The following SNRPN variants were observed in gnomAD, a reference collection of about 807,000 sequenced individuals.
SNRPN encodes small nuclear ribonucleoprotein-associated protein N.
Under a neutral mutation model 25.2 loss-of-function variants are expected in SNRPN, and 7 were observed. That is an observed-to-expected ratio of 0.28 (90% CI 0.16 to 0.52). SNRPN has a LOEUF of 0.52. Ranked by LOEUF, SNRPN falls within the 20% of genes least tolerant of loss-of-function variation. The pLI is 0.96. For missense variants in SNRPN, 196 were observed against 322.5 expected, an observed-to-expected ratio of 0.61 and a Z score of 3.00; for synonymous variants, 124 against 110.6, an observed-to-expected ratio of 1.12 and a Z score of -0.76.
intron 3 of SNRPN, among the ~76,000 whole-genome samples, chr15:24,943,192 C>T (rs2061666151): frequency 6.6e-6 from 1 of 152,072 alleles, no homozygotes; most frequent in Non-Finnish European, 1.5e-5. Flanking sequence ...GTATATCTGG[C>T]CATATGTCCT....
intron 3 of SNRPN, 110 bp downstream of exon 3, chr15:24,968,192 A>C: frequency 1.5e-6 from 1 of 682,106 alleles, no homozygotes; most frequent in South Asian, 1.7e-5. Context: ...AGAGCTTCAT[A>C]CAATAAACAC....
intron 2 of SNRPN, among the ~76,000 whole-genome samples, chr15:24,963,431 A>G (rs529360755): frequency 1.3e-5 from 2 of 152,162 alleles, no homozygotes; most frequent in South Asian, 2.1e-4. Context: ...CCTGGCCAAC[A>G]TGGTGAAACC....
intron 2 of SNRPN, chr15:24,850,976 A>C (rs1373702449): frequency 2.0e-5 from 3 of 151,184 alleles, no homozygotes; most frequent in Non-Finnish European, 4.4e-5. Context: ...GCTGGAGTGC[A>C]GTGGCATATA....
rs1261524584 is a variant in SNRPN at position 24,976,313 on chromosome 15, A to C, written c.164A>C (p.Asn55Thr). The C allele has an allele frequency of 6.2e-7, 1 of 1,613,550 alleles. No individual in the cohort carries two copies. The highest frequency in any genetic ancestry group is 1.3e-5 in the African/African-American group (1 of 74,924). The change falls in exon 6 of 10, where the codon AAT (asparagine) becomes ACT (threonine). Residue 55 changes from asparagine to threonine, a missense_variant. By Grantham distance (65) the Asn-to-Thr change is moderately conservative. Coordinates refer to ENST00000390687, the MANE Select transcript of SNRPN (RefSeq NM_003097.6). ...TTAATTCTGATTTGTAGGCCAAAGA[A>C]TGCGAAGCAACCAGAGCGTGAAGAA... is the stretch of plus-strand genomic sequence containing the variant. The part of the protein sequence containing the change: ...CDEFRKIKPK[N>T]AKQPEREEKR...
intron 2 of SNRPN, among the ~76,000 whole-genome samples, chr15:24,835,248 A>G (rs2051060317): frequency 1.3e-5 from 2 of 150,636 alleles, no homozygotes; most frequent in African/African-American, 4.9e-5. Flanking sequence ...TAACATATAT[A>G]GGCATGCTGT....
At chr15:24,921,040 C>T (rs1010130283) in intron 3 of SNRPN, 1 of 152,080 alleles carries the variant, frequency 6.6e-6, no homozygotes, top group Non-Finnish European at 1.5e-5. Context: ...TCTGATGGGT[C>T]AGTGACAGTC....
intron 3 of SNRPN, among the ~76,000 whole-genome samples, chr15:24,928,791 A>G (rs749534274): frequency 6.6e-6 from 1 of 151,762 alleles, no homozygotes; most frequent in Non-Finnish European, 1.5e-5. Context: ...AATTTTCTAT[A>G]AAGGTGGGGT....
intron 3 of SNRPN, among the ~76,000 whole-genome samples, chr15:24,972,808 C>T (rs1004038009): frequency 1.9e-4 from 29 of 152,018 alleles, no homozygotes; most frequent in Admixed American, 1.4e-3. Context: ...TTAACAATTC[C>T]GTTCAACAAC....
chr15:24,891,391 A>G (rs1279024572), intron 2 of SNRPN, among the ~76,000 whole-genome samples: 1 of 151,994 alleles, frequency 6.6e-6, no homozygotes, highest in Non-Finnish European at 1.5e-5. Flanking sequence ...TCCTCTTTTA[A>G]GGAACTTTAT....
At chr15:24,882,772 C>T (rs35993319) in intron 1 of SNRPN, among the ~76,000 whole-genome samples, 10,161 of 145,676 alleles carry the variant, frequency 0.07, 613 homozygotes, top group East Asian at 0.22. Flanking sequence ...TGCAGTGAGC[C>T]GAGATCATAC....
intron 1 of SNRPN, among the ~76,000 whole-genome samples, chr15:24,871,526 G>T (rs373543736): frequency 1.3e-5 from 2 of 151,938 alleles, no homozygotes; most frequent in East Asian, 3.9e-4. Flanking sequence ...ATTGCTGAAG[G>T]ACTAATGATG....
intron 2 of SNRPN, among the ~76,000 whole-genome samples, chr15:24,830,109 A>G (rs756184852): frequency 6.6e-6 from 1 of 152,054 alleles, no homozygotes; most frequent in Admixed American, 6.5e-5. Flanking sequence ...AGAGCATAGC[A>G]TGTATTTTGA....
chr15:24,936,017 A>G (rs1162849642), intron 3 of SNRPN, among the ~76,000 whole-genome samples: 2 of 152,032 alleles, frequency 1.3e-5, no homozygotes, highest in Non-Finnish European at 2.9e-5. Flanking sequence ...TGAGAGGCTG[A>G]GGCAGGAGAA....
At chr15:24,932,057 CA>C (rs892514899) in intron 3 of SNRPN, among the ~76,000 whole-genome samples, 2 of 151,964 alleles carry the variant, frequency 1.3e-5, no homozygotes, top group African/African-American at 4.8e-5. Flanking sequence ...GGCCAGGAGA[CA>C]GGGGCCCTAT....
intron 2 of SNRPN, chr15:24,910,977 A>G (rs2152117566): frequency 2.8e-6 from 3 of 1,060,986 alleles, no homozygotes; most frequent in South Asian, 1.3e-5. Context: ...CACTGTTGGC[A>G]CATGGCTAAA....
At chr15:24,943,631 C>T (rs2061696524) in intron 3 of SNRPN, among the ~76,000 whole-genome samples, 2 of 152,008 alleles carry the variant, frequency 1.3e-5, no homozygotes, top group African/African-American at 4.8e-5. Flanking sequence ...AGCCTTTAGT[C>T]TCCACTAATG....
chr15:24,923,923 ATTT>A (rs34575205), intron 3 of SNRPN, among the ~76,000 whole-genome samples: 25,714 of 89,420 alleles, frequency 0.29, 4,467 homozygotes, highest in Admixed American at 0.36. Context: ...GTATATAAAC[ATTT>A]TTTTTTTTTT....
intron 1 of SNRPN, among the ~76,000 whole-genome samples, chr15:24,858,187 T>C (rs2053606169): frequency 6.6e-6 from 1 of 152,168 alleles, no homozygotes; most frequent in Admixed American, 6.5e-5. Flanking sequence ...ATCTTGTAGC[T>C]GATTTGTTAT....
chr15:24,970,117 A>C (rs1043755712), intron 3 of SNRPN, among the ~76,000 whole-genome samples: 1 of 152,204 alleles, frequency 6.6e-6, no homozygotes, highest in African/African-American at 2.4e-5. Flanking sequence ...CGAAGTATAC[A>C]TTACAGCGTA....
Sources: allele counts gnomAD v4.1 joint callset (sites outside exome capture counted in the v4.1 genomes callset), GRCh38; gene constraint gnomAD v4.1.1; transcripts MANE v1.5; gene names NCBI Gene and HGNC (gene_info 2026-07-23, HGNC 2026-07-21).